AHNAK2: variants seen among roughly 807,000 people sequenced by gnomAD.
AHNAK2 encodes protein AHNAK2.
AHNAK2 carries 18 observed loss-of-function variants against 30.7 expected under a neutral mutation model. The observed-to-expected ratio is 0.59, with a 90% CI of 0.41 to 0.87. The LOEUF is 0.87. Among genes scored for constraint, AHNAK2 ranks in the 40% least tolerant of loss-of-function variants. The probability of loss-of-function intolerance (pLI) is 0.00; values close to 1 mark genes in which losing one functional copy is unlikely to be tolerated. For missense variants in AHNAK2, 8,604 were observed against 7,373.0 expected (o/e 1.17, Z -6.11); for synonymous variants, 3,590 against 3,073.8 (o/e 1.17, Z -5.56).
At position 104,942,591 on chromosome 14, in the gene AHNAK2, G is replaced by C; in HGVS notation, c.12860C>G (p.Ala4287Gly). ...SVRLEGDLSL[A>G]DKDMTAKDSK... ...GTCTTTGGCAGTCATGTCCTTGTCG[G>C]CTAGGGACAGGTCACCCTCCAGCCG... is the stretch of plus-strand genomic sequence containing the variant. Residue 4287 changes from alanine (A) to glycine (G), a missense_variant, in exon 7 of 7, where the codon GCC becomes GGC. Coordinates refer to ENST00000333244, the MANE Select transcript of AHNAK2 (RefSeq NM_138420.4). The C allele has an allele frequency of 6.2e-7, 1 of 1,613,082 alleles. No individual in the cohort carries two copies. Among genetic ancestry groups the C allele is most frequent in the South Asian group, 1.1e-5 (1 of 91,042 alleles).
Position 104,953,316 on chromosome 14 carries a change from A to C in AHNAK2, c.2135T>G (p.Leu712Arg), listed in dbSNP as rs141485097. 24 of 1,604,962 alleles carry C rather than the reference A, an allele frequency of 1.5e-5. No individual in the cohort carries two copies. The highest frequency in any genetic ancestry group is 2.0e-5 in the Non-Finnish European group (23 of 1,176,724). Residue 712 changes from leucine to arginine, a missense_variant, in exon 7 of 7, where the codon CTC becomes CGC. Physicochemically the swap from Leu to Arg is moderately radical, Grantham distance 102. Transcript: ENST00000333244. ...APKVEADVSL[L>R]SMQGDLKTTD... ...GGTCTTGAGGTCCCCCTGCATGGAG[A>C]GGAGGCTCACGTCGGCCTCCACCTT...
intron 1 of AHNAK2, among the ~76,000 whole-genome samples, chr14:104,967,111 G>A (rs745790916): frequency 2.5e-4 from 38 of 152,178 alleles, no homozygotes; most frequent in Admixed American, 8.5e-4. Flanking sequence ...CCACTGCCTC[G>A]GAGACCGGGT....
chr14:104,947,131 T>A lies in AHNAK2; in HGVS notation c.8320A>T (p.Met2774Leu). Reference protein sequence around the residue: ...KAEVTAPDVKMSLSSMEVDVQ... With the variant: ...KAEVTAPDVKLSLSSMEVDVQ... ...TCCACCTCCATGCTGGACAGAGACA[T>A]CTTCACATCGGGGGCTGTCACTTCC... Residue 2774 changes from methionine to leucine, a missense_variant, in exon 7 of 7, where the codon ATG becomes TTG. Physicochemically the swap from Met to Leu is conservative, Grantham distance 15. Coordinates refer to ENST00000333244, the MANE Select transcript of AHNAK2 (RefSeq NM_138420.4). 6.2e-7 allele frequency: 1 copy of A among 1,610,516 alleles called. No homozygotes were observed. Among genetic ancestry groups the A allele is most frequent in the South Asian group, 1.1e-5 (1 of 90,918 alleles).
chr14:104,971,629 G>A (rs935523568), intron 1 of AHNAK2, among the ~76,000 whole-genome samples: 2 of 152,048 alleles, frequency 1.3e-5, no homozygotes, highest in African/African-American at 4.8e-5. Flanking sequence ...TGAGTCCCAT[G>A]ACCCCAAGTC....
At chr14:104,977,474 C>A (rs1340247655) in intron 1 of AHNAK2, among the ~76,000 whole-genome samples, 1 of 152,224 alleles carries the variant, frequency 6.6e-6, no homozygotes, top group Admixed American at 6.5e-5. Flanking sequence ...TAGGTAGCAC[C>A]CACTTTCCCT....
chr14:104,947,357 A>C lies in AHNAK2; in HGVS notation c.8094T>G (p.Ile2698Met), dbSNP rs934566163. Residue 2698 changes from isoleucine to methionine, a missense_variant, in exon 7 of 7, where the codon ATT becomes ATG. Transcript: ENST00000333244. ...QGDLKTTDIS[I>M]QPPSAQLEVQ... is the part of the protein sequence containing the mutation. Reference sequence around the variant, plus strand: ...CCTCCAGTTGGGCAGAGGGGGGCTGAATGCTGATGTCAGTGGTCTTAAGGT... The same window carrying C: ...CCTCCAGTTGGGCAGAGGGGGGCTGCATGCTGATGTCAGTGGTCTTAAGGT... The C allele has an allele frequency of 6.2e-7, 1 of 1,612,182 alleles. No individual in the cohort carries two copies. The highest frequency in any genetic ancestry group is 1.7e-5 in the Admixed American group (1 of 59,886).
At chr14:104,964,543 CAGAAACCAG>C (rs1486258707) in intron 1 of AHNAK2, among the ~76,000 whole-genome samples, 1 of 152,110 alleles carries the variant, frequency 6.6e-6, no homozygotes, top group African/African-American at 2.4e-5. Context: ...CTGCAGCACC[CAGAAACCAG>C]AGATTCAAAT....
intron 1 of AHNAK2, among the ~76,000 whole-genome samples, chr14:104,963,824 C>T (rs7154390): frequency 0.014 from 1,959 of 141,404 alleles, 45 homozygotes; most frequent in African/African-American, 0.051. Flanking sequence ...AGCGAGACTC[C>T]GTCTAAAAAA....
At position 104,941,148 on chromosome 14, in the gene AHNAK2, G is replaced by A; in HGVS notation, c.14303C>T (p.Pro4768Leu). Residue 4768 changes from proline to leucine, a missense_variant, in exon 7 of 7, where the codon CCA becomes CTA. By Grantham distance (98) the Pro-to-Leu change is moderately conservative (BLOSUM62 -3). Transcript: ENST00000333244. ...QMPKVGFAGF[P>L]SSRLDLTGPH... is the part of the protein sequence containing the mutation. ...ACCAGTGAGATCAAGCCGGGATGATGGAAACCCAGCAAAACCCACCTTAGG... is the reference window on the plus strand; with the variant it reads ...ACCAGTGAGATCAAGCCGGGATGATAGAAACCCAGCAAAACCCACCTTAGG... 1 of 1,613,550 alleles carries A rather than the reference G, an allele frequency of 6.2e-7. No homozygotes were observed. Among genetic ancestry groups the A allele is most frequent in the Non-Finnish European group, 8.5e-7 (1 of 1,179,896 alleles).
chr14:104,946,477 C>G lies in AHNAK2; in HGVS notation c.8974G>C (p.Ala2992Pro), dbSNP rs375344284. 2.0e-5 allele frequency: 33 copies of G among 1,612,578 alleles called. No individual in the cohort carries two copies. In the Middle Eastern group the frequency reaches 4.9e-4, roughly 24 times the overall value. The stretch of plus-strand genomic sequence containing the variant: ...GAGACCTCAATGGACTTGCCTGGGG[C>G]AGACACCCCGAACGACGGCATCTTG... ...KFKMPSFGVS[A>P]PGKSIEVSVD... Residue 2992 changes from alanine (A) to proline (P), a missense_variant, in exon 7 of 7, where the codon GCC becomes CCC. Coordinates refer to ENST00000333244, the MANE Select transcript of AHNAK2 (RefSeq NM_138420.4).
rs752597357 is a variant in AHNAK2 at position 104,939,993 on chromosome 14, G to A, written c.15458C>T (p.Pro5153Leu). The A allele has an allele frequency of 6.2e-7, 1 of 1,612,332 alleles. No homozygotes were observed. Among genetic ancestry groups the A allele is most frequent in the Non-Finnish European group, 8.5e-7 (1 of 1,179,902 alleles). The part of the protein sequence containing the change: ...VSQPCGEGIA[P>L]TPEDPLQPSC... ...TGGCTGGAGGGGATCTTCAGGTGTG[G>A]GGGCTATCCCCTCCCCACAAGGCTG... The change falls in exon 7 of 7, where the codon CCC (proline) becomes CTC (leucine). Residue 5153 changes from proline (P) to leucine (L), a missense_variant. Physicochemically the swap from Pro to Leu is moderately conservative, Grantham distance 98 (BLOSUM62 -3). Transcript: ENST00000333244.
Position 104,950,279 on chromosome 14 carries a change from C to G in AHNAK2, c.5172G>C (p.Val1724=). The change falls in exon 7 of 7, where the codon GTG becomes GTC. Residue 1724 remains valine (V), a synonymous_variant. Coordinates refer to ENST00000333244, the MANE Select transcript of AHNAK2 (RefSeq NM_138420.4). Reference sequence around the variant, plus strand: ...CGGGAAGGGGGCCCTCCGGGAGTTTCACGTTCACTTGGCCAGCCTGGACCT... The same window carrying G: ...CGGGAAGGGGGCCCTCCGGGAGTTTGACGTTCACTTGGCCAGCCTGGACCT... ...DLEVQAGQVN[V]KLPEGPLPEG... The G allele has an allele frequency of 1.9e-6, 3 of 1,585,370 alleles. 1 individual carries two copies. The highest frequency in any genetic ancestry group is 2.6e-6 in the Non-Finnish European group (3 of 1,162,708).
chr14:104,972,508 G>A (rs1261323675), intron 1 of AHNAK2, among the ~76,000 whole-genome samples: 1 of 152,186 alleles, frequency 6.6e-6, no homozygotes, highest in Non-Finnish European at 1.5e-5. Flanking sequence ...CCCCGCAAGA[G>A]CCTTTGCTGG....
Position 104,943,176 on chromosome 14 carries a change from A to T in AHNAK2, c.12275T>A (p.Val4092Glu), listed in dbSNP as rs1166171426. ...GPKAEVTAPD[V>E]KMSLSSMEVD... ...CTCCATGCTGGACAGAGACATCTTC[A>T]CATCAGGGGCTGTCACTTCCGCCTT... Residue 4092 changes from valine (V) to glutamate (E), a missense_variant, in exon 7 of 7, where the codon GTG (valine) becomes GAG (glutamate). Val to Glu is a moderately radical substitution (Grantham distance 121). Coordinates refer to ENST00000333244, the MANE Select transcript of AHNAK2 (RefSeq NM_138420.4). 1 of 1,612,812 alleles carries T rather than the reference A, an allele frequency of 6.2e-7. No individual in the cohort carries two copies. The highest frequency in any genetic ancestry group is 8.5e-7 in the Non-Finnish European group (1 of 1,179,534).
chr14:104,956,564 A>G (rs1484488646), intron 4 of AHNAK2, 24 bp downstream of exon 4: 1 of 1,610,868 alleles, frequency 6.2e-7, no homozygotes, highest in Non-Finnish European at 8.5e-7. Flanking sequence ...CACCTCTGTG[A>G]CCCTCAGCTC....
chr14:104,940,570 G>A lies in AHNAK2; in HGVS notation c.14881C>T (p.Pro4961Ser). The A allele has an allele frequency of 6.2e-7, 1 of 1,613,702 alleles. No homozygotes were observed. The highest frequency in any genetic ancestry group is 8.5e-7 in the Non-Finnish European group (1 of 1,179,848). Residue 4961 changes from proline to serine, a missense_variant, in exon 7 of 7, where the codon CCA (proline) becomes TCA (serine). Coordinates refer to ENST00000333244, the MANE Select transcript of AHNAK2 (RefSeq NM_138420.4). The surrounding 1 kb of genome is among the most constrained non-coding windows in gnomAD (Gnocchi z 4.4). ...SPLKMPKIKL[P>S]SFRWSPKKET... ...TTCTTCGGGGACCACCTAAATGATG[G>A]AAGCTTAATCTTAGGCATTTTCAAG...
In AHNAK2 at chr14:104,951,177, T is replaced by G. The variant is rs377287411; in HGVS notation, c.4274A>C (p.Asp1425Ala). The change falls in exon 7 of 7, where the codon GAC becomes GCC. Residue 1425 changes from aspartate (D) to alanine (A), a missense_variant. Physicochemically the swap from Asp to Ala is moderately radical, Grantham distance 126. Coordinates refer to ENST00000333244, the MANE Select transcript of AHNAK2 (RefSeq NM_138420.4). ...GATGTCTATTTCAGGGCCCTTGAGG[T>G]CCACTTTGGGCACCTTGAAACTGGG... ...QMPSFKVPKV[D>A]LKGPEIDIKG... 8.1e-5 allele frequency: 87 copies of G among 1,071,286 alleles called. 15 individuals are homozygous for G. Among genetic ancestry groups the G allele is most frequent in the African/African-American group, 7.3e-4 (50 of 68,706 alleles). 66.4% of individuals were successfully genotyped at this position (1,071,286 alleles called of 1,614,324 possible).
chr14:104,941,034 G>A lies in AHNAK2; in HGVS notation c.14417C>T (p.Pro4806Leu). 1.2e-6 allele frequency: 2 copies of A among 1,613,600 alleles called. No homozygotes were observed. The highest frequency in any genetic ancestry group is 1.7e-6 in the Non-Finnish European group (2 of 1,179,892). ...QVTVPRAALAPELALEIPSGS... is the reference protein window; with the variant it reads ...QVTVPRAALALELALEIPSGS... ...AGAAGGAATTTCCAGAGCAAGCTCA[G>A]GGGCCAAGGCAGCTCTGGGAACAGT... Residue 4806 changes from proline to leucine, a missense_variant, in exon 7 of 7, where the codon CCT becomes CTT. Coordinates refer to ENST00000333244, the MANE Select transcript of AHNAK2 (RefSeq NM_138420.4).
intron 4 of AHNAK2, among the ~76,000 whole-genome samples, chr14:104,956,371 G>A (rs935198877): frequency 3.9e-5 from 6 of 152,134 alleles, no homozygotes; most frequent in Admixed American, 3.9e-4. Flanking sequence ...CTCCACCCCA[G>A]GGAGGGGTGG....
Sources: allele counts gnomAD v4.1 joint callset (sites outside exome capture counted in the v4.1 genomes callset), GRCh38; gene constraint gnomAD v4.1.1; non-coding constraint Gnocchi (gnomAD v3.1); transcripts MANE v1.5; gene names NCBI Gene and HGNC (gene_info 2026-07-23, HGNC 2026-07-21).